Variants in LRRC27 observed in about 807,000 individuals in gnomAD.
LRRC27 encodes the protein leucine rich repeat containing 27, also known as leucine-rich repeat-containing protein 27.
LRRC27 carries 57 observed loss-of-function variants against 55.0 expected under a neutral mutation model. The observed-to-expected ratio is 1.04, with a 90% CI of 0.84 to 1.29. The LOEUF (loss-of-function observed/expected upper bound fraction) is 1.29. Among genes scored for constraint, LRRC27 ranks in the 50% most tolerant of loss-of-function variants. LRRC27 has a pLI of 0.00. For synonymous variants in LRRC27, 278 were observed against 251.9 expected (o/e 1.10, Z -0.98); for missense variants, 721 against 651.5 (o/e 1.11, Z -1.16).
rs1182766882 is a variant in LRRC27 at position 132,374,307 on chromosome 10, GC to G, written c.1417-758del. On this transcript the variant is annotated intron_variant, in intron 10 of 10. Coordinates refer to ENST00000368614, the MANE Select transcript of LRRC27 (RefSeq NM_030626.3). This position sits in a 1 kb window ranked among gnomAD's most constrained non-coding sequence, Gnocchi z 4.4. Reference sequence around the variant, plus strand: ...AGGTAGTGTCCAACCTGTGCCCCCAGCAAGGCAAGCCGGGGAGGGAGACGGG... The same window carrying G: ...AGGTAGTGTCCAACCTGTGCCCCCAGAAGGCAAGCCGGGGAGGGAGACGGG... Among the ~76,000 whole-genome samples the G allele has an allele frequency of 6.6e-6, 1 of 152,154 alleles. No homozygotes were observed. The highest frequency in any genetic ancestry group is 2.4e-5 in the African/African-American group (1 of 41,412).
intron 7 of LRRC27, chr10:132,353,507 T>A: frequency 3.9e-6 from 3 of 763,596 alleles, no homozygotes; most frequent in Non-Finnish European, 4.8e-6. Flanking sequence ...AGAGACATTG[T>A]AGTTGGTTGT....
intron 6 of LRRC27, among the ~76,000 whole-genome samples, chr10:132,349,578 C>T (rs954772044): frequency 1.3e-5 from 2 of 152,198 alleles, no homozygotes; most frequent in African/African-American, 4.8e-5. Context: ...CTCTTTTCTT[C>T]CCTCCTCCCT....
At position 132,365,422 on chromosome 10, in the gene LRRC27, A is replaced by C; in HGVS notation, c.1290-2A>C. On this transcript the variant is annotated splice_acceptor_variant, in intron 9 of 10. Transcript: ENST00000368614. LOFTEE classifies it high-confidence loss of function. Reference sequence around the variant, plus strand: ...TTTCCCTCTTTGCCCTTTGTTTCTCAGTGCCCTGCAGGAGAGAAATTTAGA... The same window carrying C: ...TTTCCCTCTTTGCCCTTTGTTTCTCCGTGCCCTGCAGGAGAGAAATTTAGA... 1 of 1,613,486 alleles carries C rather than the reference A, an allele frequency of 6.2e-7. No individual in the cohort carries two copies.
chr10:132,337,410 C>T (rs1181229694), intron 2 of LRRC27, 155 bp from the exon 3 acceptor site: 25 of 1,418,818 alleles, frequency 1.8e-5, no homozygotes, highest in Non-Finnish European at 2.1e-5. Flanking sequence ...CTACTGTTTA[C>T]ATCTTTTAAG....
intron 2 of LRRC27, among the ~76,000 whole-genome samples, chr10:132,336,337 A>G (rs1327860050): frequency 4.6e-5 from 7 of 152,026 alleles, no homozygotes; most frequent in Non-Finnish European, 1.0e-4. Context: ...ACGTGGGGGC[A>G]CACACTGTGA....
upstream of LRRC27, chr10:132,332,062 C>G (rs377562985): frequency 2.1e-4 from 63 of 295,662 alleles, no homozygotes; most frequent in East Asian, 2.5e-3. Flanking sequence ...CCCCACAACA[C>G]GCACACCCCC....
chr10:132,358,249 G>T (rs1214592434), intron 8 of LRRC27, among the ~76,000 whole-genome samples: 2 of 152,256 alleles, frequency 1.3e-5, no homozygotes, highest in East Asian at 1.9e-4. Flanking sequence ...TGAGGGACAC[G>T]TAGGGTGGAC....
chr10:132,363,395 G>A (rs561569265), intron 9 of LRRC27, among the ~76,000 whole-genome samples: 3 of 152,256 alleles, frequency 2.0e-5, no homozygotes, highest in South Asian at 2.1e-4. Flanking sequence ...CTCCCTAGTC[G>A]CCTCCACCTC....
At position 132,381,079 on chromosome 10, in the gene LRRC27, G is replaced by A. The variant is rs918097045; in HGVS notation, c.*5837G>A. Among the ~76,000 whole-genome samples, 4 of 152,220 alleles carry A rather than the reference G, an allele frequency of 2.6e-5. No homozygotes were observed. The highest frequency in any genetic ancestry group is 6.5e-5 in the Admixed American group (1 of 15,282). On this transcript the variant is annotated 3_prime_UTR_variant, in exon 11 of 11. Coordinates refer to ENST00000368614, the MANE Select transcript of LRRC27 (RefSeq NM_030626.3). ...AGAATGTAAAGTATTGTTTCTGGGT[G>A]TTGCCAGAAGAGATTAACATTTGAG... is the stretch of plus-strand genomic sequence containing the variant.
At chr10:132,343,767 C>G (rs2067538114) in intron 4 of LRRC27, among the ~76,000 whole-genome samples, 1 of 152,220 alleles carries the variant, frequency 6.6e-6, no homozygotes, top group Admixed American at 6.5e-5. Flanking sequence ...ATCCATCTTT[C>G]ACACTGAACC....
In LRRC27 at chr10:132,333,467, G is replaced by T. The variant is rs78594781; in HGVS notation, c.-48-10G>T. 4.7e-5 allele frequency: 64 copies of T among 1,354,838 alleles called. No individual in the cohort carries two copies. Among genetic ancestry groups the T allele is most frequent in the Non-Finnish European group, 1.1e-5 (11 of 1,005,692 alleles). 83.9% of individuals were successfully genotyped at this position (1,354,838 alleles called of 1,614,324 possible). On this transcript the variant is annotated splice_polypyrimidine_tract_variant and intron_variant, in intron 1 of 10. Transcript: ENST00000368614. ...AGTTGCTTCTACGTTTCCCTTTCCC[G>T]TGTCTCCAGGTGACTCCAGACCAAG... is the stretch of plus-strand genomic sequence containing the variant.
At chr10:132,330,484 T>C (rs2066639316), upstream of LRRC27, 1 of 717,142 alleles carries the variant, frequency 1.4e-6, no homozygotes, top group South Asian at 1.5e-5. Flanking sequence ...GCTTTCAGCT[T>C]CCTGATTGGT....
chr10:132,376,929 T>G lies in LRRC27; in HGVS notation c.*1687T>G, dbSNP rs1564863461. On this transcript the variant is annotated 3_prime_UTR_variant, in exon 11 of 11. Transcript: ENST00000368614. ...TCTTCTTAGTTATGTGAGTTTTTGC[T>G]ATACGTGTTTTGGGGCTATTTTGTC... 1 of 152,276 alleles carries G rather than the reference T, an allele frequency of 6.6e-6. No homozygotes were observed. Among genetic ancestry groups the G allele is most frequent in the Non-Finnish European group, 1.5e-5 (1 of 68,050 alleles). 9.4% of individuals were successfully genotyped at this position (152,276 alleles called of 1,614,324 possible).
chr10:132,331,383 G>A, upstream of LRRC27: 1 of 1,542,464 alleles, frequency 6.5e-7, no homozygotes, highest in South Asian at 1.2e-5. Flanking sequence ...CCTCCCGCCC[G>A]GTGTCATTTC....
upstream of LRRC27, chr10:132,331,774 C>G: frequency 6.2e-7 from 1 of 1,608,964 alleles, no homozygotes; most frequent in Non-Finnish European, 8.5e-7. Flanking sequence ...AGGCCGGTCG[C>G]CCCTCCAGAC....
chr10:132,373,563 G>T (rs1322213501), intron 10 of LRRC27, among the ~76,000 whole-genome samples: 1 of 152,202 alleles, frequency 6.6e-6, no homozygotes, highest in Non-Finnish European at 1.5e-5. Context: ...CCCATTGCAA[G>T]GTCAGGGGTC....
intron 6 of LRRC27, among the ~76,000 whole-genome samples, chr10:132,350,057 G>A (rs555617235): frequency 6.6e-6 from 1 of 152,328 alleles, no homozygotes; most frequent in South Asian, 2.1e-4. Context: ...GTGCTCCTCT[G>A]TGTTCTCTGG....
At chr10:132,361,031 T>C (rs1027749545) in intron 8 of LRRC27, among the ~76,000 whole-genome samples, 45 of 152,314 alleles carry the variant, frequency 3.0e-4, no homozygotes, top group Admixed American at 1.1e-3. Context: ...TGTTGGGTCC[T>C]CCCAGGTCTC....
chr10:132,353,085 G>C lies in LRRC27; in HGVS notation c.1073+1332G>C, dbSNP rs2068140882. 2.0e-6 allele frequency: 3 copies of C among 1,515,992 alleles called. No homozygotes were observed. In the African/African-American group the frequency reaches 4.1e-5, roughly 21 times the overall value. The allele number at this position is 1,515,992 out of a possible 1,614,324, so 93.9% of individuals were successfully genotyped here. Reference sequence around the variant, plus strand: ...CCCCTCCCTGGGCCCCAGGAGTCCGGCTGGCATGGACCACAGCCACAGCAC... The same window carrying C: ...CCCCTCCCTGGGCCCCAGGAGTCCGCCTGGCATGGACCACAGCCACAGCAC... On this transcript the variant is annotated intron_variant, in intron 7 of 10. Transcript: ENST00000368614.
Sources: gnomAD v4.1 joint callset for allele counts (sites outside exome capture counted in the v4.1 genomes callset) on GRCh38, gnomAD v4.1.1 for gene constraint, Gnocchi (gnomAD v3.1) non-coding constraint, MANE v1.5 for transcripts, NCBI Gene and HGNC (gene_info 2026-07-23, HGNC 2026-07-21) for gene names.